Variants in CTNNA2 observed in about 807,000 individuals in gnomAD.
The protein encoded by CTNNA2 is catenin alpha 2, also known as catenin alpha-2.
CTNNA2 carries 42 observed loss-of-function variants against 101.0 expected under a neutral mutation model. That is an observed-to-expected ratio of 0.42 (90% CI 0.32 to 0.54). The LOEUF (loss-of-function observed/expected upper bound fraction) is 0.54, where lower values mean the gene tolerates loss of function less well. Ranked by LOEUF, CTNNA2 falls within the 20% of genes least tolerant of loss-of-function variation. The pLI is 0.14. For missense variants in CTNNA2, 871 were observed against 1,223.1 expected (o/e 0.71, Z 4.29); for synonymous variants, 450 against 456.4 (o/e 0.99, Z 0.18).
intron 7 of CTNNA2, among the ~76,000 whole-genome samples, chr2:80,334,845 G>A (rs1490363143): frequency 6.6e-6 from 1 of 152,304 alleles, no homozygotes; most frequent in African/African-American, 2.4e-5. Flanking sequence ...GCAGGGACAT[G>A]AGATTTTAAT....
At chr2:80,331,048 G>T (rs57506861) in intron 7 of CTNNA2, among the ~76,000 whole-genome samples, 29,154 of 145,656 alleles carry the variant, frequency 0.2, 3,429 homozygotes, top group African/African-American at 0.32. Flanking sequence ...TTCCTTCCCC[G>T]GCTGCATCCA....
intron 7 of CTNNA2, among the ~76,000 whole-genome samples, chr2:80,227,479 C>T (rs1708954769): frequency 6.6e-6 from 1 of 152,184 alleles, no homozygotes; most frequent in South Asian, 2.1e-4. Flanking sequence ...ACGCCCAGCC[C>T]TTACTGATAT....
chr2:80,048,854 G>C (rs1055076775), intron 7 of CTNNA2, among the ~76,000 whole-genome samples: 1 of 152,198 alleles, frequency 6.6e-6, no homozygotes, highest in South Asian at 2.1e-4. Context: ...TTTCAGGAAT[G>C]CAGGCAAGAG....
chr2:80,559,723 T>C (rs1264868726), intron 12 of CTNNA2, among the ~76,000 whole-genome samples: 3 of 152,140 alleles, frequency 2.0e-5, no homozygotes, highest in Non-Finnish European at 4.4e-5. Context: ...GCATATTTGA[T>C]GGGCTCTTCA....
At chr2:80,641,776 A>T (rs1673518392) in intron 18 of CTNNA2, among the ~76,000 whole-genome samples, 2 of 134,206 alleles carry the variant, frequency 1.5e-5, no homozygotes, top group Non-Finnish European at 3.3e-5. Flanking sequence ...ATTATTAAAA[A>T]TATCTTAGAT....
At chr2:79,430,384 CCAGA>C (rs1678647093) in intron 4 of CTNNA2, among the ~76,000 whole-genome samples, 2 of 151,998 alleles carry the variant, frequency 1.3e-5, no homozygotes, top group South Asian at 4.1e-4. Flanking sequence ...TGGAGGAATC[CCAGA>C]CAGTCAGTCA....
intron 7 of CTNNA2, among the ~76,000 whole-genome samples, chr2:80,236,119 T>C (rs1181858742): frequency 1.3e-5 from 2 of 152,240 alleles, no homozygotes; most frequent in Non-Finnish European, 2.9e-5. Context: ...GCTCTATCCA[T>C]GTTCTCTCAA....
At chr2:80,084,390 T>G (rs766949107) in intron 7 of CTNNA2, among the ~76,000 whole-genome samples, 33 of 152,156 alleles carry the variant, frequency 2.2e-4, no homozygotes, top group Admixed American at 4.6e-4. Flanking sequence ...ATTCTTTTGT[T>G]GTGGAGTTCT....
At chr2:80,166,617 A>G (rs1704713048) in intron 7 of CTNNA2, among the ~76,000 whole-genome samples, 1 of 152,136 alleles carries the variant, frequency 6.6e-6, no homozygotes, top group South Asian at 2.1e-4. Flanking sequence ...GAGTTATTCT[A>G]GCAAATTGTC....
chr2:80,558,472 GTGTGTGTGTGTGTGTA>G (rs1693250009), intron 12 of CTNNA2, among the ~76,000 whole-genome samples: 2 of 118,362 alleles, frequency 1.7e-5, no homozygotes, highest in Middle Eastern at 4.8e-3. Flanking sequence ...ATATGTGTGT[GTGTGTGTGTGTGTGTA>G]TATATATATG....
intron 2 of CTNNA2, among the ~76,000 whole-genome samples, chr2:79,275,693 T>A (rs1042256298): frequency 6.6e-6 from 1 of 152,110 alleles, no homozygotes; most frequent in Non-Finnish European, 1.5e-5. Flanking sequence ...TCATTTGTTG[T>A]TTAGCCTATG....
chr2:80,388,599 G>C (rs1049953701), intron 7 of CTNNA2, among the ~76,000 whole-genome samples: 2 of 152,186 alleles, frequency 1.3e-5, no homozygotes, highest in Non-Finnish European at 2.9e-5. Flanking sequence ...TTGGAGTCTA[G>C]AGATGTGGCC....
At chr2:79,848,538 C>T (rs1382881714) in intron 3 of CTNNA2, among the ~76,000 whole-genome samples, 13 of 152,170 alleles carry the variant, frequency 8.5e-5, no homozygotes, top group Non-Finnish European at 1.5e-5. Flanking sequence ...ACCCTACACC[C>T]TCTTCTCCCA....
At chr2:79,788,656 C>A (rs1174060465) in intron 3 of CTNNA2, among the ~76,000 whole-genome samples, 1 of 152,134 alleles carries the variant, frequency 6.6e-6, no homozygotes, top group Non-Finnish European at 1.5e-5. Flanking sequence ...TACATGTATA[C>A]CTACAAACAT....
chr2:80,127,450 T>A (rs565117485), intron 7 of CTNNA2, among the ~76,000 whole-genome samples: 1 of 152,130 alleles, frequency 6.6e-6, no homozygotes, highest in Admixed American at 6.5e-5. Context: ...TTCATAATGA[T>A]CAGCCTTTCC....
intron 1 of CTNNA2, chr2:79,547,428 C>G (rs949210592): frequency 6.6e-6 from 1 of 152,446 alleles, no homozygotes; most frequent in Admixed American, 6.5e-5. Context: ...TTTTGACACA[C>G]AATAAGGTCA....
chr2:80,284,891 T>A (rs1674634396), intron 7 of CTNNA2, among the ~76,000 whole-genome samples: 1 of 152,118 alleles, frequency 6.6e-6, no homozygotes, highest in South Asian at 2.1e-4. Flanking sequence ...TGGCAATAGG[T>A]CTAGAGGTGG....
At chr2:80,426,667 G>A (rs72622678) in intron 9 of CTNNA2, among the ~76,000 whole-genome samples, 19,090 of 152,014 alleles carry the variant, frequency 0.13, 2,058 homozygotes, top group East Asian at 0.59. Context: ...GACCAACATT[G>A]TAAAGAAGCT....
At chr2:79,342,877 G>T (rs998245754) in intron 3 of CTNNA2, among the ~76,000 whole-genome samples, 9 of 152,148 alleles carry the variant, frequency 5.9e-5, no homozygotes, top group Admixed American at 2.6e-4. Context: ...TGCCAGAGAA[G>T]GTTCCAATAA....
Sources: gnomAD v4.1 joint callset for allele counts (sites outside exome capture counted in the v4.1 genomes callset) on GRCh38, gnomAD v4.1.1 for gene constraint, MANE v1.5 for transcripts, NCBI Gene and HGNC (gene_info 2026-07-23, HGNC 2026-07-21) for gene names.